MRPL34: variants seen among roughly 807,000 people sequenced by gnomAD.
MRPL34 encodes the protein mitochondrial ribosomal protein L34.
In MRPL34, 8 loss-of-function variants were observed where a neutral mutation model predicts 6.7. That is an observed-to-expected ratio of 1.20 (90% CI 0.70 to 2.16). The LOEUF (loss-of-function observed/expected upper bound fraction) is 2.16. MRPL34 is among the 30% of genes most tolerant of loss of function. The probability of loss-of-function intolerance (pLI) is 0.00; values close to 1 mark genes in which losing one functional copy is unlikely to be tolerated. For missense variants in MRPL34, 146 were observed against 125.5 expected (o/e 1.16, Z -0.78); for synonymous variants, 59 against 55.1 (o/e 1.07, Z -0.31).
At chr19:17,293,573 C>A (rs2074080403) in intron 1 of MRPL34, among the ~76,000 whole-genome samples, 1 of 152,050 alleles carries the variant, frequency 6.6e-6, no homozygotes, top group Non-Finnish European at 1.5e-5. Context: ...GCCAGTAGTA[C>A]CCCCTCCCCC....
chr19:17,297,314 G>A (rs1371560302), intron 1 of MRPL34, among the ~76,000 whole-genome samples: 4 of 151,418 alleles, frequency 2.6e-5, no homozygotes, highest in Non-Finnish European at 5.9e-5. Flanking sequence ...TTTTTTTCTC[G>A]AGACAGAGTC....
At chr19:17,304,788 CCTT>C (rs2074138084), upstream of MRPL34, among the ~76,000 whole-genome samples, 1 of 130,490 alleles carries the variant, frequency 7.7e-6, no homozygotes, top group African/African-American at 2.6e-5. Context: ...GAAGACGACT[CCTT>C]TTTTTTTTGA....
chr19:17,297,519 C>T (rs1402790474), intron 1 of MRPL34, among the ~76,000 whole-genome samples: 10 of 152,132 alleles, frequency 6.6e-5, no homozygotes, highest in Admixed American at 5.2e-4. Context: ...TGGTCTTGAA[C>T]TCCTGACCTT....
chr19:17,305,723 G>A (rs1375063073), upstream of MRPL34: 2 of 713,644 alleles, frequency 2.8e-6, no homozygotes, highest in East Asian at 2.7e-5. Context: ...GATATAGACT[G>A]GCGCGCCTCT....
upstream of MRPL34, chr19:17,300,951 G>A (rs1265879796): frequency 2.5e-6 from 4 of 1,613,430 alleles, no homozygotes; most frequent in African/African-American, 2.7e-5. Context: ...TGTAGGCTGC[G>A]GCCACCTGGG....
chr19:17,306,624 C>G lies in MRPL34; in HGVS notation c.*245C>G, dbSNP rs1472812436. 2.6e-6 allele frequency: 1 copy of G among 383,920 alleles called. No individual in the cohort carries two copies. Among genetic ancestry groups the G allele is most frequent in the Non-Finnish European group, 4.7e-6 (1 of 214,858 alleles). The allele number at this position is 383,920 out of a possible 1,614,324, so 23.8% of individuals were successfully genotyped here. A position where few individuals can be genotyped will look rare whatever the true frequency, so the allele number is the denominator to read the frequency against. On this transcript the variant is annotated 3_prime_UTR_variant, in exon 2 of 2. Coordinates refer to ENST00000252602, the MANE Select transcript of MRPL34 (RefSeq NM_023937.4). ...CAAAGAACATCCGTGTACCCAGTAC[C>G]CTGACTACCGACTACCTACAACCCG... is the stretch of plus-strand genomic sequence containing the variant.
At chr19:17,301,244 C>G, upstream of MRPL34, 1 of 1,595,050 alleles carries the variant, frequency 6.3e-7, no homozygotes, top group South Asian at 1.1e-5. Flanking sequence ...TCGCTGCCCG[C>G]CGGATCTGCC....
upstream of MRPL34, chr19:17,301,483 C>A (rs1384783545): frequency 6.2e-7 from 1 of 1,611,658 alleles, no homozygotes; most frequent in Admixed American, 1.7e-5. Flanking sequence ...ATGCTTCACC[C>A]GCAGCACGCG....
chr19:17,300,429 A>G (rs1369736862), upstream of MRPL34, among the ~76,000 whole-genome samples: 1 of 150,852 alleles, frequency 6.6e-6, no homozygotes, highest in Non-Finnish European at 1.5e-5. Context: ...CTGGTCTCAA[A>G]CTCCTTGCCT....
chr19:17,294,167 A>T (rs1428335510), intron 1 of MRPL34: 2 of 1,265,672 alleles, frequency 1.6e-6, no homozygotes, highest in East Asian at 2.6e-5. Context: ...CCCGGCAGCC[A>T]CGCCCCCTCG....
At chr19:17,301,566 G>T, upstream of MRPL34, 1 of 1,597,974 alleles carries the variant, frequency 6.3e-7, no homozygotes, top group Non-Finnish European at 8.5e-7. Flanking sequence ...CGGCGTTGGG[G>T]GGCGTGCCCA....
At chr19:17,300,982 C>T, upstream of MRPL34, 1 of 1,613,448 alleles carries the variant, frequency 6.2e-7, no homozygotes, top group Non-Finnish European at 8.5e-7. Flanking sequence ...GGCCCCGTGG[C>T]CGGCCAGGTC....
upstream of MRPL34, among the ~76,000 whole-genome samples, chr19:17,305,063 C>T (rs1403077183): frequency 6.6e-6 from 1 of 151,878 alleles, no homozygotes; most frequent in Admixed American, 6.6e-5. Context: ...TTTTAAAGGG[C>T]GGATAGGGGA....
upstream of MRPL34, chr19:17,300,865 TG>T (rs776913911): frequency 6.3e-7 from 1 of 1,592,122 alleles, no homozygotes; most frequent in Non-Finnish European, 8.6e-7. Context: ...CCCGTAGGAA[TG>T]GCCAATGAGC....
chr19:17,294,187 C>T, intron 1 of MRPL34: 7 of 1,402,388 alleles, frequency 5.0e-6, no homozygotes, highest in Admixed American at 2.3e-5. Flanking sequence ...GGGAAGAAAG[C>T]ACGCCCACCA....
rs2074147308 is a variant in MRPL34, at chr19:17,306,245, C to T, written c.145C>T (p.Arg49Cys). ...CCCGCAGCAGGCCCGGGGCAAGGCTCGCGGGAATGAGTATCAGCCGAGCAA... is the reference window on the plus strand; with the variant it reads ...CCCGCAGCAGGCCCGGGGCAAGGCTTGCGGGAATGAGTATCAGCCGAGCAA... ...PTPQQARGKA[R>C]GNEYQPSNIK... is the part of the protein sequence containing the mutation. Residue 49 changes from arginine (R) to cysteine (C), a missense_variant, in exon 2 of 2, where the codon CGC becomes TGC. By Grantham distance (180) the Arg-to-Cys change is radical (BLOSUM62 -3). Coordinates refer to ENST00000252602, the MANE Select transcript of MRPL34 (RefSeq NM_023937.4). The T allele has an allele frequency of 1.3e-6, 2 of 1,586,730 alleles. No homozygotes were observed. The highest frequency in any genetic ancestry group is 2.7e-5 in the African/African-American group (2 of 74,352).
upstream of MRPL34, chr19:17,301,652 G>C (rs750486923): frequency 2.0e-6 from 3 of 1,510,962 alleles, no homozygotes; most frequent in African/African-American, 4.1e-5. Flanking sequence ...AGCCAGTTCA[G>C]GTGCTGTCTC....
At chr19:17,301,347 C>T (rs1158640959), upstream of MRPL34, 15 of 1,609,314 alleles carry the variant, frequency 9.3e-6, no homozygotes, top group Non-Finnish European at 1.3e-5. Context: ...TTTCCACCAG[C>T]AACCGCCCAT....
At chr19:17,294,761 C>A in intron 1 of MRPL34, 1 of 1,614,148 alleles carries the variant, frequency 6.2e-7, no homozygotes, top group Non-Finnish European at 8.5e-7. Context: ...TGGGCTCCAG[C>A]GCCGTAGGGC....
Sources: gnomAD v4.1 joint callset for allele counts (sites outside exome capture counted in the v4.1 genomes callset) on GRCh38, gnomAD v4.1.1 for gene constraint, MANE v1.5 for transcripts, NCBI Gene and HGNC (gene_info 2026-07-23, HGNC 2026-07-21) for gene names.